TAS1R2: variants seen among roughly 807,000 people sequenced by gnomAD.
TAS1R2 encodes the protein taste 1 receptor member 2.
TAS1R2 carries 47 observed loss-of-function variants against 49.3 expected under a neutral mutation model. That is an observed-to-expected ratio of 0.95 (90% CI 0.75 to 1.22). The LOEUF (loss-of-function observed/expected upper bound fraction) is 1.22, where lower values mean the gene tolerates loss of function less well. Among genes scored for constraint, TAS1R2 ranks in the 50% most tolerant of loss-of-function variants. The pLI, the probability that TAS1R2 is intolerant of heterozygous loss-of-function variation, is 0.00. For synonymous variants in TAS1R2, 479 were observed against 467.9 expected (o/e 1.02, Z -0.31); for missense variants, 1,155 against 1,122.1 (o/e 1.03, Z -0.42).
At chr1:18,855,699 C>A (rs1934127286) in intron 2 of TAS1R2, among the ~76,000 whole-genome samples, 1 of 152,212 alleles carries the variant, frequency 6.6e-6, no homozygotes, top group South Asian at 2.1e-4. Flanking sequence ...AACTGCCTGC[C>A]TGACATCTCA....
intron 2 of TAS1R2, among the ~76,000 whole-genome samples, chr1:18,855,281 A>G (rs191001521): frequency 5.9e-5 from 9 of 152,312 alleles, no homozygotes; most frequent in African/African-American, 1.9e-4. Context: ...CATGGTCATC[A>G]GCACACTGGC....
At chr1:18,849,472 G>A (rs1404036127) in exon 4 of TAS1R2, 1 of 1,614,260 alleles carries the variant, frequency 6.2e-7, no homozygotes, top group East Asian at 2.2e-5. Flanking sequence ...TCCAAGTGCA[G>A]AGCCACGTCC....
rs79368916 is a variant in TAS1R2, at chr1:18,856,937, A to C, written c.483+394T>G. Among the ~76,000 whole-genome samples, 1,315 of 152,346 alleles carry C rather than the reference A, an allele frequency of 8.6e-3. 7 individuals are homozygous for C. Among genetic ancestry groups the C allele is most frequent in the Non-Finnish European group, 0.014 (954 of 68,040 alleles). On this transcript the variant is annotated intron_variant, in intron 2 of 5. Transcript: ENST00000375371. ...CTTCAAGTTTTTATTCCTGTGCAAGATGCTTTATAAAACAACATTATTTAC... is the reference window on the plus strand; with the variant it reads ...CTTCAAGTTTTTATTCCTGTGCAAGCTGCTTTATAAAACAACATTATTTAC...
intron 3 of TAS1R2, among the ~76,000 whole-genome samples, chr1:18,850,763 T>G (rs1934006794): frequency 6.6e-6 from 1 of 152,264 alleles, no homozygotes; most frequent in Non-Finnish European, 1.5e-5. Flanking sequence ...TTGGGCACCT[T>G]GGGGTTCCCT....
chr1:18,853,107 T>C (rs1054937869), intron 3 of TAS1R2, among the ~76,000 whole-genome samples: 8 of 152,184 alleles, frequency 5.3e-5, no homozygotes, highest in Non-Finnish European at 1.2e-4. Context: ...GGGCCAGACC[T>C]GGGTTCAAAA....
At position 18,840,120 on chromosome 1, in the gene TAS1R2, G is replaced by A. The variant is rs149975315; in HGVS notation, c.1999C>T (p.Arg667Cys). ...TAGCGGACCCAGTAGCTGTAGGCGC[G>A]TGGGAAGCGGCTGGCCATCTTGAAG... is the stretch of plus-strand genomic sequence containing the variant. Residue 667 changes from arginine to cysteine, a missense_variant, in exon 6 of 6, where the codon CGC (arginine) becomes TGC (cysteine). By Grantham distance (180) the Arg-to-Cys change is radical (BLOSUM62 -3). Coordinates refer to ENST00000375371, the Ensembl canonical transcript of TAS1R2. 5.9e-5 allele frequency: 95 copies of A among 1,614,282 alleles called. No homozygotes were observed. Among genetic ancestry groups the A allele is most frequent in the Admixed American group, 4.0e-4 (24 of 60,032 alleles).
intron 4 of TAS1R2, 124 bp downstream of exon 4, chr1:18,849,217 C>T (rs35040206): frequency 0.055 from 55,601 of 1,017,908 alleles, 2,099 homozygotes; most frequent in South Asian, 0.15. Context: ...CACAAATAGA[C>T]ATCCCCCCAG....
chr1:18,840,945 A>T (rs1933813562), intron 5 of TAS1R2, among the ~76,000 whole-genome samples: 1 of 152,210 alleles, frequency 6.6e-6, no homozygotes, highest in African/African-American at 2.4e-5. Flanking sequence ...CTGGGGTGGA[A>T]GGCCACAGAG....
rs550418876 is a variant in TAS1R2 at position 18,845,849 on chromosome 1, G to C, written c.1467+3492C>G. The stretch of plus-strand genomic sequence containing the variant: ...GGAAGAAGGTCTGGATCACCCCCCA[G>C]GCAAGTGACTGAGAGCAGCCAAATG... On this transcript the variant is annotated intron_variant, in intron 4 of 5. Transcript: ENST00000375371. Among the ~76,000 whole-genome samples, 373 of 152,258 alleles carry C rather than the reference G, an allele frequency of 2.4e-3. 4 individuals carry two copies. In the South Asian group the frequency reaches 0.046, roughly 19 times the overall value.
At chr1:18,852,907 T>TG (rs983856752) in intron 3 of TAS1R2, among the ~76,000 whole-genome samples, 48 of 152,306 alleles carry the variant, frequency 3.2e-4, no homozygotes, top group African/African-American at 1.1e-3. Context: ...CCTCCTAGGT[T>TG]GGGGGTCCCC....
intron 1 of TAS1R2, among the ~76,000 whole-genome samples, chr1:18,859,236 TGGCACTG>T (rs1315180376): frequency 6.6e-6 from 1 of 152,056 alleles, no homozygotes; most frequent in Non-Finnish European, 1.5e-5. Context: ...TTAAAAAAAA[TGGCACTG>T]AGATGACCCC....
intron 4 of TAS1R2, among the ~76,000 whole-genome samples, chr1:18,845,696 G>C (rs1323069083): frequency 6.6e-6 from 1 of 152,202 alleles, no homozygotes; most frequent in African/African-American, 2.4e-5. Context: ...GAGTAGGAAG[G>C]AGTAGGTCTG....
At chr1:18,848,768 G>A (rs959133655) in intron 4 of TAS1R2, among the ~76,000 whole-genome samples, 6 of 152,190 alleles carry the variant, frequency 3.9e-5, no homozygotes, top group Admixed American at 3.3e-4. Context: ...AGAATCTAAT[G>A]TCTGATGATC....
intron 4 of TAS1R2, among the ~76,000 whole-genome samples, chr1:18,847,645 C>G (rs1933947083): frequency 6.6e-6 from 1 of 152,162 alleles, no homozygotes; most frequent in African/African-American, 2.4e-5. Context: ...CCTACTCCAG[C>G]AGAATTCTGA....
At chr1:18,846,111 G>T (rs1278868011) in intron 4 of TAS1R2, among the ~76,000 whole-genome samples, 1 of 152,226 alleles carries the variant, frequency 6.6e-6, no homozygotes, top group Non-Finnish European at 1.5e-5. Flanking sequence ...TCCAGCCATT[G>T]CTGCAGTCAC....
At chr1:18,855,096 C>G in intron 2 of TAS1R2, 110 bp from the exon 3 acceptor site, 1 of 1,383,276 alleles carries the variant, frequency 7.2e-7, no homozygotes, top group Non-Finnish European at 9.8e-7. Flanking sequence ...GCAAGCCACC[C>G]CAGGGGTAGG....
At chr1:18,849,311 C>T (rs1933977335) in intron 4 of TAS1R2, 30 bp downstream of exon 4, 2 of 1,611,878 alleles carry the variant, frequency 1.2e-6, no homozygotes, top group African/African-American at 1.3e-5. Flanking sequence ...CCGCCCCAGG[C>T]CTGCCCACCC....
chr1:18,845,707 G>A (rs1933908318), intron 4 of TAS1R2, among the ~76,000 whole-genome samples: 1 of 152,188 alleles, frequency 6.6e-6, no homozygotes. Flanking sequence ...AGTAGGTCTG[G>A]CACCCAAGGA....
rs1048539314 is a variant in TAS1R2, at chr1:18,854,335, G to A, written c.1135C>T (p.Leu379Phe). Residue 379 changes from leucine (L) to phenylalanine (F), a missense_variant, in exon 3 of 6, where the codon CTC becomes TTC. Transcript: ENST00000375371. The surrounding 1 kb of genome is among the most constrained non-coding windows in gnomAD (Gnocchi z 4.9). The stretch of plus-strand genomic sequence containing the variant: ...CTGTAGACGACACGCTCCCCAGAGA[G>A]CCTGAGAATGGTGTTGAAGGACAAG... 1 of 1,613,988 alleles carries A rather than the reference G, an allele frequency of 6.2e-7. No individual in the cohort carries two copies.
Sources: gnomAD v4.1 joint callset for allele counts (sites outside exome capture counted in the v4.1 genomes callset) on GRCh38, gnomAD v4.1.1 for gene constraint, Gnocchi (gnomAD v3.1) non-coding constraint, MANE v1.5 for transcripts, NCBI Gene and HGNC (gene_info 2026-07-23, HGNC 2026-07-21) for gene names.